The following OCIAD1 variants were observed in gnomAD, a reference collection of about 807,000 sequenced individuals.
OCIAD1 encodes the protein OCIA domain-containing protein 1.
OCIAD1 carries 29 observed loss-of-function variants against 38.9 expected under a neutral mutation model. The observed-to-expected ratio is 0.74, with a 90% CI of 0.55 to 1.02. The LOEUF (loss-of-function observed/expected upper bound fraction) is 1.02. OCIAD1 is among the 50% of genes least tolerant of loss of function. The pLI is 0.00. For missense variants in OCIAD1, 288 were observed against 289.6 expected (o/e 0.99, Z 0.04); for synonymous variants, 110 against 92.0 (o/e 1.20, Z -1.12).
At position 48,860,687 on chromosome 4, in the gene OCIAD1, T is replaced by C. The variant is rs73815378; in HGVS notation, c.701-38T>C. The C allele has an allele frequency of 1.3e-3, 1,909 of 1,424,326 alleles. 24 individuals are homozygous for C. In the African/African-American group the frequency reaches 0.024, roughly 18 times the overall value. The allele number at this position is 1,424,326 out of a possible 1,614,324, so 88.2% of individuals were successfully genotyped here. On this transcript the variant is annotated intron_variant, in intron 8 of 8. Transcript: ENST00000264312. ...TTAAAATAATGTCTTTTACTTATTA[T>C]TGCTTGGAATCATCAATTATTTATG...
chr4:48,854,485 T>A lies in OCIAD1; in HGVS notation c.547+2510T>A, dbSNP rs143878421. On this transcript the variant is annotated intron_variant, in intron 7 of 8. Transcript: ENST00000264312. ...CCACAGATAAGGGGGCACTACTGTA[T>A]TCTAGACATGCACTAACTCTTTCCT... is the stretch of plus-strand genomic sequence containing the variant. Among the ~76,000 whole-genome samples, 20 of 152,338 alleles carry A rather than the reference T, an allele frequency of 1.3e-4. No homozygotes were observed. The East Asian group carries it at 3.9e-3, about 29-fold the overall frequency.
chr4:48,833,347 G>A (rs1777699104), intron 2 of OCIAD1, 54 bp from the exon 3 acceptor site: 1 of 1,059,272 alleles, frequency 9.4e-7, no homozygotes, highest in Non-Finnish European at 1.4e-6. Flanking sequence ...TAATTTTTCA[G>A]ACCTAGTTTT....
chr4:48,842,616 A>G lies in OCIAD1; in HGVS notation c.140-20A>G. The G allele has an allele frequency of 1.9e-6, 3 of 1,540,316 alleles. No individual in the cohort carries two copies. Among genetic ancestry groups the G allele is most frequent in the Non-Finnish European group, 2.6e-6 (3 of 1,133,184 alleles). ...TCTTTTACTTTTGTTGATGTTAACA[A>G]GGTCTTTTTCTTCCTATAGCTGTGC... On this transcript the variant is annotated intron_variant, in intron 3 of 8. Transcript: ENST00000264312.
rs759792515 is a variant in OCIAD1, at chr4:48,857,336, C to T, written c.671C>T (p.Pro224Leu). ...CAAAAGACTGACCCCTCAGTCAGGC[C>T]TATGCATGAAAGAGTGCCAAAAAAA... Reference protein sequence around the residue: ...LTQKTDPSVRPMHERVPKKEV... With the variant: ...LTQKTDPSVRLMHERVPKKEV... Residue 224 changes from proline to leucine, a missense_variant, in exon 8 of 9, where the codon CCT becomes CTT. Transcript: ENST00000264312. The T allele has an allele frequency of 1.9e-6, 3 of 1,580,934 alleles. No homozygotes were observed. The highest frequency in any genetic ancestry group is 2.4e-5 in the South Asian group (2 of 84,696).
chr4:48,841,566 A>C (rs569013087), intron 3 of OCIAD1, among the ~76,000 whole-genome samples: 67 of 152,296 alleles, frequency 4.4e-4, no homozygotes, highest in African/African-American at 1.5e-3. Flanking sequence ...AACAGGTACC[A>C]AAATTCCAGA....
chr4:48,846,509 G>A (rs558734688), intron 4 of OCIAD1, among the ~76,000 whole-genome samples: 3 of 152,182 alleles, frequency 2.0e-5, no homozygotes, highest in Admixed American at 6.5e-5. Context: ...AGCACTTTGG[G>A]AGGCTGAGGC....
In OCIAD1 at chr4:48,859,911, A is replaced by G. The variant is rs1186940219; in HGVS notation, c.701-814A>G. On this transcript the variant is annotated intron_variant, in intron 8 of 8. Coordinates refer to ENST00000264312, the MANE Select transcript of OCIAD1 (RefSeq NM_017830.4). Reference sequence around the variant, plus strand: ...TGTAGCTTCTAGAAAACCATGTAACATATACTCATGAGGGAATGAGAGCAA... The same window carrying G: ...TGTAGCTTCTAGAAAACCATGTAACGTATACTCATGAGGGAATGAGAGCAA... Among the ~76,000 whole-genome samples the G allele has an allele frequency of 3.3e-5, 5 of 152,316 alleles. No individual in the cohort carries two copies. In the East Asian group the frequency reaches 7.7e-4, roughly 23 times the overall value.
chr4:48,845,895 A>C (rs780783227), intron 4 of OCIAD1, among the ~76,000 whole-genome samples: 8 of 152,232 alleles, frequency 5.3e-5, no homozygotes, highest in Non-Finnish European at 7.3e-5. Context: ...TGTCACAAAG[A>C]GTATTGCGTT....
intron 7 of OCIAD1, among the ~76,000 whole-genome samples, chr4:48,852,951 G>A (rs1351105166): frequency 5.5e-5 from 8 of 144,900 alleles, no homozygotes; most frequent in African/African-American, 7.7e-5. Flanking sequence ...GTGCGATCTC[G>A]GCTCACTGCA....
At chr4:48,805,730 G>T (rs572955549) in intron 1 of OCIAD1, among the ~76,000 whole-genome samples, 2 of 150,932 alleles carry the variant, frequency 1.3e-5, no homozygotes, top group Non-Finnish European at 2.9e-5. Context: ...TCCCTTTTAC[G>T]CAAATTTTCC....
intron 7 of OCIAD1, among the ~76,000 whole-genome samples, chr4:48,852,956 A>G (rs1412640147): frequency 7.2e-6 from 1 of 138,686 alleles, no homozygotes; most frequent in Non-Finnish European, 1.5e-5. Flanking sequence ...ATCTCGGCTC[A>G]CTGCAACCTC....
intron 1 of OCIAD1, among the ~76,000 whole-genome samples, chr4:48,821,990 A>T (rs531655502): frequency 6.6e-6 from 1 of 152,362 alleles, no homozygotes; most frequent in South Asian, 2.1e-4. Context: ...TATAGATTCA[A>T]TGCTATTCCC....
At chr4:48,832,717 C>T (rs771555405) in intron 2 of OCIAD1, 35 bp downstream of exon 2, 1 of 1,514,992 alleles carries the variant, frequency 6.6e-7, no homozygotes, top group South Asian at 1.1e-5. Flanking sequence ...ATTAGAAGCA[C>T]TTCCTATGTA....
chr4:48,853,869 A>T (rs1370970886), intron 7 of OCIAD1, among the ~76,000 whole-genome samples: 2 of 152,248 alleles, frequency 1.3e-5, no homozygotes, highest in Admixed American at 1.3e-4. Context: ...AGGAAGAGAC[A>T]GGAAAGAATG....
At chr4:48,810,707 T>C (rs1777079019) in intron 1 of OCIAD1, among the ~76,000 whole-genome samples, 2 of 151,876 alleles carry the variant, frequency 1.3e-5, no homozygotes, top group African/African-American at 2.4e-5. Flanking sequence ...TCCTGCCTCA[T>C]GGTGCTTACC....
chr4:48,827,961 C>G (rs1183586985), upstream of OCIAD1, among the ~76,000 whole-genome samples: 1 of 151,918 alleles, frequency 6.6e-6, no homozygotes, highest in Non-Finnish European at 1.5e-5. Context: ...CACTCTGTAT[C>G]TAGCTACTCT....
At chr4:48,828,723 G>T (rs1268784309), upstream of OCIAD1, among the ~76,000 whole-genome samples, 2 of 152,272 alleles carry the variant, frequency 1.3e-5, no homozygotes, top group East Asian at 3.9e-4. Flanking sequence ...GCAAGACCAC[G>T]AACCCACCAG....
chr4:48,829,202 G>A (rs977256197), upstream of OCIAD1, among the ~76,000 whole-genome samples: 7 of 151,894 alleles, frequency 4.6e-5, no homozygotes, highest in Admixed American at 4.6e-4. Context: ...GAAGGTTGCA[G>A]TGAGCCGAGA....
At chr4:48,824,587 A>C (rs970737002) in intron 1 of OCIAD1, among the ~76,000 whole-genome samples, 9 of 150,264 alleles carry the variant, frequency 6.0e-5, no homozygotes, top group African/African-American at 2.2e-4. Flanking sequence ...GGGTCTTTTT[A>C]TGTTGCCCAG....
Sources: allele counts gnomAD v4.1 joint callset (sites outside exome capture counted in the v4.1 genomes callset), GRCh38; gene constraint gnomAD v4.1.1; transcripts MANE v1.5; gene names NCBI Gene and HGNC (gene_info 2026-07-23, HGNC 2026-07-21).